The following NXPE1 variants were observed in gnomAD, a reference collection of about 807,000 sequenced individuals.
The protein encoded by NXPE1 is neurexophilin and PC-esterase domain family member 1.
Under a neutral mutation model 33.3 loss-of-function variants are expected in NXPE1, and 31 were observed. That is an observed-to-expected ratio of 0.93 (90% CI 0.70 to 1.26). The LOEUF is 1.26. Ranked by LOEUF, NXPE1 falls within the 50% of genes most tolerant of loss-of-function variation. The pLI is 0.00. For synonymous variants in NXPE1, 229 were observed against 231.4 expected, an observed-to-expected ratio of 0.99 and a Z score of 0.09; for missense variants, 661 against 655.6, an observed-to-expected ratio of 1.01 and a Z score of -0.09.
At chr11:114,557,943 C>G (rs1375015979) in intron 1 of NXPE1, among the ~76,000 whole-genome samples, 4 of 151,846 alleles carry the variant, frequency 2.6e-5, no homozygotes, top group South Asian at 2.1e-4. Flanking sequence ...AAAGCATCAG[C>G]ACTTTGAATA....
chr11:114,546,534 T>G (rs1390488118), intron 5 of NXPE1, among the ~76,000 whole-genome samples: 1 of 151,400 alleles, frequency 6.6e-6, no homozygotes, highest in Non-Finnish European at 1.5e-5. Context: ...ATTCCTGGCC[T>G]CAAACGATCC....
chr11:114,529,961 C>T (rs146813233), intron 6 of NXPE1: 15 of 507,898 alleles, frequency 3.0e-5, no homozygotes, highest in East Asian at 1.5e-4. Context: ...CATAGAAGAA[C>T]GGTTATAGCA....
exon 6 of NXPE1, chr11:114,530,240 G>A: frequency 6.2e-7 from 1 of 1,613,706 alleles, no homozygotes; most frequent in Non-Finnish European, 8.5e-7. Flanking sequence ...TGGTCATGTA[G>A]GTCAGAGCCT....
At chr11:114,557,645 A>G (rs1244571843) in intron 1 of NXPE1, among the ~76,000 whole-genome samples, 1 of 39,344 alleles carries the variant, frequency 2.5e-5, no homozygotes, top group Non-Finnish European at 4.0e-5. Flanking sequence ...ATATATATAT[A>G]TATATATATA....
exon 6 of NXPE1, chr11:114,530,421 C>G: frequency 6.2e-7 from 1 of 1,614,236 alleles, no homozygotes; most frequent in Non-Finnish European, 8.5e-7. Flanking sequence ...GCCTTGGTTC[C>G]TTGCCCTCCA....
intron 1 of NXPE1, among the ~76,000 whole-genome samples, chr11:114,557,634 CATATATATATATATATATATATAT>C (rs4019608): frequency 2.3e-5 from 3 of 128,452 alleles, no homozygotes; most frequent in Admixed American, 8.4e-5. Flanking sequence ...ATATATAATA[CATATATATATATATATATATATAT>C]ATATATATAT....
At chr11:114,536,580 T>TA (rs1278481074) in intron 5 of NXPE1, among the ~76,000 whole-genome samples, 1 of 151,918 alleles carries the variant, frequency 6.6e-6, no homozygotes, top group Non-Finnish European at 1.5e-5. Context: ...ATAGACGCCA[T>TA]AAAAAATGAC....
intron 5 of NXPE1, among the ~76,000 whole-genome samples, chr11:114,540,764 A>G (rs1216510104): frequency 6.9e-6 from 1 of 144,478 alleles, no homozygotes; most frequent in Non-Finnish European, 1.5e-5. Flanking sequence ...AGAGGAGGTA[A>G]GTTTCCTGGT....
intron 8 of NXPE1, among the ~76,000 whole-genome samples, 168 bp downstream of exon 8, chr11:114,522,711 A>G (rs370877170): frequency 8.5e-5 from 13 of 152,246 alleles, no homozygotes; most frequent in East Asian, 7.7e-4. Context: ...AAGAAGACCA[A>G]CATTTCTTAT....
At chr11:114,522,890 T>C (rs763153978) in exon 8 of NXPE1, 3 of 1,611,446 alleles carry the variant, frequency 1.9e-6, no homozygotes, top group Non-Finnish European at 2.5e-6. Context: ...TTTTACAACT[T>C]TGGGGAAGTA....
chr11:114,532,741 A>C (rs1947630673), intron 5 of NXPE1, among the ~76,000 whole-genome samples: 1 of 152,224 alleles, frequency 6.6e-6, no homozygotes, highest in Admixed American at 6.5e-5. Context: ...GCATATACAT[A>C]TAAAAGTATA....
chr11:114,524,256 C>T (rs567258535), intron 7 of NXPE1, among the ~76,000 whole-genome samples: 1 of 116,088 alleles, frequency 8.6e-6, no homozygotes, highest in South Asian at 2.7e-4. Flanking sequence ...GAAAGGATAG[C>T]CATGGGTCTA....
intron 7 of NXPE1, among the ~76,000 whole-genome samples, chr11:114,524,474 G>A (rs1409868580): frequency 6.6e-6 from 1 of 152,118 alleles, no homozygotes. Flanking sequence ...TGGCAGAATT[G>A]GAAAGTGCAC....
chr11:114,550,316 A>G (rs1948432140), intron 5 of NXPE1, among the ~76,000 whole-genome samples: 1 of 152,176 alleles, frequency 6.6e-6, no homozygotes, highest in Admixed American at 6.6e-5. Context: ...GCTCTACTAG[A>G]TATTAAAACT....
At chr11:114,552,021 G>T (rs532920034) in exon 3 of NXPE1, 1 of 152,188 alleles carries the variant, frequency 6.6e-6, no homozygotes, top group South Asian at 2.1e-4. Context: ...TGTGTGAGTG[G>T]TTTCGTTTTG....
At chr11:114,539,138 A>G (rs1290139455) in intron 5 of NXPE1, among the ~76,000 whole-genome samples, 2 of 152,230 alleles carry the variant, frequency 1.3e-5, no homozygotes, top group African/African-American at 4.8e-5. Flanking sequence ...TTTTAGGGAC[A>G]TGGATGAAGC....
chr11:114,554,946 G>C (rs1181434026), intron 1 of NXPE1, among the ~76,000 whole-genome samples: 1 of 152,066 alleles, frequency 6.6e-6, no homozygotes, highest in Non-Finnish European at 1.5e-5. Flanking sequence ...TTACCTTCCT[G>C]GATGACCTCA....
At chr11:114,527,564 C>T (rs930417941) in intron 7 of NXPE1, among the ~76,000 whole-genome samples, 3 of 152,198 alleles carry the variant, frequency 2.0e-5, no homozygotes, top group South Asian at 2.1e-4. Flanking sequence ...CCTTCAAAGA[C>T]ATTTGCACAG....
intron 5 of NXPE1, among the ~76,000 whole-genome samples, chr11:114,536,394 T>C (rs1390006032): frequency 6.6e-5 from 10 of 152,004 alleles, no homozygotes; most frequent in South Asian, 4.2e-4. Flanking sequence ...AGAGCAAACA[T>C]ATTCAAAAGC....
Sources: allele counts gnomAD v4.1 joint callset (sites outside exome capture counted in the v4.1 genomes callset), GRCh38; gene constraint gnomAD v4.1.1; transcripts MANE v1.5; gene names NCBI Gene and HGNC (gene_info 2026-07-23, HGNC 2026-07-21).